NBPF8: variants seen among roughly 807,000 people sequenced by gnomAD.
The protein encoded by NBPF8 is NBPF member 8, also known as NBPF family member NBPF8.
At chr1:120,429,548 G>T (rs1233357595) in intron 3 of NBPF8, among the ~76,000 whole-genome samples, 1 of 152,184 alleles carries the variant, frequency 6.6e-6, no homozygotes, top group Non-Finnish European at 1.5e-5. Context: ...TGGCGGGAGG[G>T]ATTTCCTTGA....
At chr1:120,419,181 G>A (rs1660505355), upstream of NBPF8, among the ~76,000 whole-genome samples, 1 of 152,230 alleles carries the variant, frequency 6.6e-6, no homozygotes, top group African/African-American at 2.4e-5. Flanking sequence ...ATACAGCAGA[G>A]TCACAGTCAA....
At chr1:120,430,549 T>G (rs1385075027) in intron 3 of NBPF8, among the ~76,000 whole-genome samples, 1 of 127,266 alleles carries the variant, frequency 7.9e-6, no homozygotes, top group African/African-American at 3.5e-5. Flanking sequence ...GGTCAGGAGA[T>G]GGAGACCATC....
intron 1 of NBPF8, among the ~76,000 whole-genome samples, chr1:120,425,129 TGGGAAGGGAAAGA>T (rs1660680698): frequency 6.6e-6 from 1 of 151,664 alleles, no homozygotes; most frequent in African/African-American, 2.4e-5. Context: ...TACAGCCTCG[TGGGAAGGGAAAGA>T]CCTGACTGTC....
At chr1:120,428,475 C>T (rs1486647889) in intron 3 of NBPF8, among the ~76,000 whole-genome samples, 1 of 151,784 alleles carries the variant, frequency 6.6e-6, no homozygotes, top group Non-Finnish European at 1.5e-5. Context: ...GCCTTCTGTG[C>T]CCACAATTCA....
intron 21 of NBPF8, 147 bp downstream of exon 19, chr1:120,463,113 T>TACTAC (rs1334885605): frequency 1.4e-6 from 1 of 700,532 alleles, no homozygotes; most frequent in African/African-American, 1.8e-5. Context: ...AATGAGACTG[T>TACTAC]AGTCTCAGCT....
chr1:120,465,986 G>T (rs1661735244), exon 25 of NBPF8: 32 of 1,611,804 alleles, frequency 2.0e-5, no homozygotes, highest in Non-Finnish European at 2.7e-5. Flanking sequence ...AGGCTCAACA[G>T]CGTGCTGATG....
intron 1 of NBPF8, among the ~76,000 whole-genome samples, chr1:120,421,080 G>A (rs1297645228): frequency 4.1e-4 from 62 of 150,594 alleles, no homozygotes; most frequent in African/African-American, 1.2e-3. Context: ...GGAAGGTTGC[G>A]GCCTGGTGTT....
At chr1:120,432,420 G>C (rs1176559332), upstream of NBPF8, 1 of 119,600 alleles carries the variant, frequency 8.4e-6, no homozygotes, top group South Asian at 2.7e-4. Context: ...CCACTCAGTC[G>C]GTACTGAAAC....
rs1461901196 is a variant in NBPF8 at position 120,466,188 on chromosome 1, G to T, written n.3779G>T. ...CTTTGACGGTGACAAGTCTCTATCT[G>T]GTCTTCCAGATGGGAGTCATATTCC... On this transcript the variant is annotated non_coding_transcript_exon_variant, in exon 25 of 25. Coordinates refer to ENST00000583271, the Ensembl canonical transcript of NBPF8. 8.7e-6 allele frequency: 14 copies of T among 1,609,200 alleles called. No homozygotes were observed. The South Asian group carries it at 8.8e-5, about 10-fold the overall frequency.
At chr1:120,455,308 C>T (rs1661404856) in intron 15 of NBPF8, 101 bp from the exon 14 acceptor site, 1 of 679,570 alleles carries the variant, frequency 1.5e-6, no homozygotes, top group Non-Finnish European at 2.6e-6. Flanking sequence ...TATTCTTGCA[C>T]TGAGAATAGT....
At position 120,465,445 on chromosome 1, in the gene NBPF8, G is replaced by A. The variant is rs1296995939; in HGVS notation, n.3568+74G>A. 36 of 509,314 alleles carry A rather than the reference G, an allele frequency of 7.1e-5. 5 individuals are homozygous for A. In the African/African-American group the frequency reaches 1.3e-3, roughly 19 times the overall value. 31.5% of individuals were successfully genotyped at this position (509,314 alleles called of 1,614,324 possible). ...GCAACAGATTCAGGGAAACCAGAGT[G>A]TGTTTGATGTCACGTTTTCAACGAA... On this transcript the variant is annotated intron_variant and non_coding_transcript_variant, in intron 24 of 24. Transcript: ENST00000583271.
intron 16 of NBPF8, among the ~76,000 whole-genome samples, chr1:120,457,028 G>GT (rs1661458320): frequency 6.6e-6 from 1 of 151,504 alleles, no homozygotes; most frequent in Non-Finnish European, 1.5e-5. Context: ...ATGAAGCTTT[G>GT]TTTGGCTGGA....
rs1660677447 is a variant in NBPF8, at chr1:120,425,072, G to A, written n.270-675G>A. Among the ~76,000 whole-genome samples, 7 of 149,554 alleles carry A rather than the reference G, an allele frequency of 4.7e-5. No individual in the cohort carries two copies. The South Asian group carries it at 1.6e-3, about 33-fold the overall frequency. On this transcript the variant is annotated intron_variant and non_coding_transcript_variant, in intron 1 of 28. Transcript: ENST00000652355. ...GAAGACTGCAGGGTCCTCTGCCTAG[G>A]AAAGCCAGGTATTGTCCAAGGTTTC...
chr1:120,420,718 C>T (rs1248363815), intron 1 of NBPF8, among the ~76,000 whole-genome samples: 1 of 144,820 alleles, frequency 6.9e-6, no homozygotes, highest in African/African-American at 2.7e-5. Context: ...ATTTATGGGC[C>T]ACAGTGGAAT....
At chr1:120,469,648 T>C (rs1252721119), downstream of NBPF8, among the ~76,000 whole-genome samples, 1 of 151,950 alleles carries the variant, frequency 6.6e-6, no homozygotes, top group African/African-American at 2.4e-5. Flanking sequence ...TGGTTTGTGT[T>C]TATTGATAAT....
At chr1:120,430,511 T>G (rs1660846154) in intron 3 of NBPF8, among the ~76,000 whole-genome samples, 1 of 116,330 alleles carries the variant, frequency 8.6e-6, no homozygotes. Context: ...TCTCAGCACT[T>G]TGGGAGGCCG....
chr1:120,460,180 C>T (rs1661538416), intron 17 of NBPF8, among the ~76,000 whole-genome samples: 1 of 152,212 alleles, frequency 6.6e-6, no homozygotes, highest in African/African-American at 2.4e-5. Context: ...ACCCCCTCAT[C>T]AAATCTCTGT....
intron 17 of NBPF8, among the ~76,000 whole-genome samples, chr1:120,460,357 A>C (rs1206614493): frequency 1.3e-5 from 2 of 151,980 alleles, no homozygotes; most frequent in African/African-American, 4.9e-5. Flanking sequence ...GGAAGATAAC[A>C]TTCCAACTCA....
chr1:120,430,142 AT>A (rs1660836580), intron 3 of NBPF8, among the ~76,000 whole-genome samples: 1 of 82,156 alleles, frequency 1.2e-5, no homozygotes, highest in African/African-American at 5.7e-5. Context: ...AAAAAGTAGA[AT>A]ACCTGTTGTT....
Sources: gnomAD v4.1 joint callset for allele counts (sites outside exome capture counted in the v4.1 genomes callset) on GRCh38, gnomAD v4.1.1 for gene constraint, MANE v1.5 for transcripts, NCBI Gene and HGNC (gene_info 2026-07-23, HGNC 2026-07-21) for gene names.